SUMF1: variants seen among roughly 807,000 people sequenced by gnomAD.
SUMF1 encodes formylglycine-generating enzyme.
In SUMF1, 48 loss-of-function variants were observed where a neutral mutation model predicts 47.6. That is an observed-to-expected ratio of 1.01 (90% CI 0.80 to 1.28). The LOEUF is 1.28. Ranked by LOEUF, SUMF1 falls within the 50% of genes most tolerant of loss-of-function variation. The probability of loss-of-function intolerance (pLI) is 0.00; values close to 1 mark genes in which losing one functional copy is unlikely to be tolerated. For synonymous variants in SUMF1, 230 were observed against 192.1 expected (o/e 1.20, Z -1.63); for missense variants, 571 against 485.4 (o/e 1.18, Z -1.66).
At chr3:4,135,740 C>T (rs1574914742) in intron 8 of SUMF1, among the ~76,000 whole-genome samples, 1 of 152,164 alleles carries the variant, frequency 6.6e-6, no homozygotes, top group Non-Finnish European at 1.5e-5. Context: ...CATCTCAGCC[C>T]AAAATCTCCT....
At chr3:4,180,843 A>G (rs1695081072) in intron 8 of SUMF1, among the ~76,000 whole-genome samples, 1 of 151,976 alleles carries the variant, frequency 6.6e-6, no homozygotes, top group Non-Finnish European at 1.5e-5. Flanking sequence ...ACAGAGTGAA[A>G]CCCTGTCTCA....
intron 8 of SUMF1, among the ~76,000 whole-genome samples, chr3:4,140,597 A>T (rs1400042259): frequency 1.3e-5 from 2 of 151,994 alleles, no homozygotes; most frequent in Non-Finnish European, 2.9e-5. Context: ...TTTTCTATTC[A>T]TATACTCCCA....
rs572821216 is a variant in SUMF1, at chr3:4,309,634, C to T, written c.1014+66696G>A. On this transcript the variant is annotated intron_variant and NMD_transcript_variant, in intron 8 of 12. Transcript: ENST00000448413. ...TTCTTCCCACCACCTTCCCCCTTCA[C>T]ACCCCTGCTTCCCATTTCTGTGGTA... 6.5e-4 allele frequency among the ~76,000 whole-genome samples: 99 copies of T among 152,332 alleles called. 1 individual carries two copies. The South Asian group carries it at 0.021, about 32-fold the overall frequency.
intron 8 of SUMF1, among the ~76,000 whole-genome samples, chr3:4,295,546 C>T (rs1047623616): frequency 1.8e-4 from 28 of 152,074 alleles, no homozygotes; most frequent in Non-Finnish European, 3.5e-4. Context: ...GTGAAATGAA[C>T]GAACCGCGGG....
intron 8 of SUMF1, among the ~76,000 whole-genome samples, chr3:4,310,074 G>A (rs1329296382): frequency 6.6e-6 from 1 of 152,180 alleles, no homozygotes; most frequent in Non-Finnish European, 1.5e-5. Context: ...TAACGCAGTG[G>A]TGTTTGTGTA....
intron 8 of SUMF1, among the ~76,000 whole-genome samples, chr3:4,177,521 C>T (rs1300630392): frequency 1.3e-5 from 2 of 152,156 alleles, no homozygotes; most frequent in African/African-American, 4.8e-5. Flanking sequence ...ACCAGAATCT[C>T]TGGGACACAT....
chr3:4,138,588 T>C (rs989565658), intron 8 of SUMF1, among the ~76,000 whole-genome samples: 1 of 152,118 alleles, frequency 6.6e-6, no homozygotes, highest in Non-Finnish European at 1.5e-5. Flanking sequence ...GCTTCCCTAG[T>C]TGGCAATACC....
rs373008361 is a variant in SUMF1, at chr3:4,452,829, A to C, written c.444+47T>G. ...TAGCTGCTATTAAAGCATTCTTAAA[A>C]GTTCTGGAAAAGAACAAGTTCTCCC... is the stretch of plus-strand genomic sequence containing the variant. On this transcript the variant is annotated intron_variant, in intron 2 of 8. Transcript: ENST00000272902. 3.1e-6 allele frequency: 5 copies of C among 1,610,844 alleles called. No individual in the cohort carries two copies. The African/African-American group carries it at 6.7e-5, about 22-fold the overall frequency.
At chr3:4,200,885 G>A (rs1190605677) in intron 8 of SUMF1, among the ~76,000 whole-genome samples, 2 of 152,046 alleles carry the variant, frequency 1.3e-5, no homozygotes, top group African/African-American at 4.8e-5. Flanking sequence ...AGACTATCCT[G>A]TTCCACTGAT....
intron 8 of SUMF1, among the ~76,000 whole-genome samples, chr3:4,213,359 T>C (rs750654947): frequency 6.6e-6 from 1 of 152,122 alleles, no homozygotes; most frequent in Admixed American, 6.5e-5. Flanking sequence ...GACAAGCAAA[T>C]GCTTTAAGAT....
intron 8 of SUMF1, among the ~76,000 whole-genome samples, chr3:4,106,331 C>CT (rs1308495271): frequency 3.3e-5 from 5 of 152,130 alleles, no homozygotes; most frequent in Admixed American, 2.6e-4. Flanking sequence ...ATTTCTACTT[C>CT]TTTTTTCAGC....
At chr3:4,463,417 T>C (rs530070264) in intron 1 of SUMF1, among the ~76,000 whole-genome samples, 1 of 152,172 alleles carries the variant, frequency 6.6e-6, no homozygotes, top group African/African-American at 2.4e-5. Context: ...TTGAACCCAG[T>C]AGGCAGAGGT....
At chr3:4,357,184 G>A (rs1448345015), downstream of SUMF1, among the ~76,000 whole-genome samples, 2 of 152,096 alleles carry the variant, frequency 1.3e-5, no homozygotes, top group Non-Finnish European at 2.9e-5. Flanking sequence ...GGGAAGGAGG[G>A]AGACAGATAT....
At chr3:4,416,462 T>G (rs1194266157) in intron 6 of SUMF1, among the ~76,000 whole-genome samples, 2 of 152,222 alleles carry the variant, frequency 1.3e-5, no homozygotes, top group African/African-American at 4.8e-5. Context: ...TTTTAAATAC[T>G]GTATCCAGTC....
At chr3:4,258,309 A>G (rs1481399147) in intron 8 of SUMF1, among the ~76,000 whole-genome samples, 2 of 147,272 alleles carry the variant, frequency 1.4e-5, no homozygotes, top group Non-Finnish European at 3.0e-5. Context: ...AGAAACTACC[A>G]TCAGAGTGAA....
Position 4,132,934 on chromosome 3 carries a change from C to T in SUMF1, c.1015-64189G>A, listed in dbSNP as rs565198112. Among the ~76,000 whole-genome samples, 11 of 152,200 alleles carry T rather than the reference C, an allele frequency of 7.2e-5. No homozygotes were observed. In the South Asian group the frequency reaches 1.9e-3, roughly 26 times the overall value. On this transcript the variant is annotated intron_variant and NMD_transcript_variant, in intron 8 of 12. Transcript: ENST00000448413. ...CTACAGCACCCCACTCCAGGATGGA[C>T]GACAAATGGCCCACACCCTTCAGGA...
intron 8 of SUMF1, among the ~76,000 whole-genome samples, chr3:4,296,383 G>A (rs183854264): frequency 6.6e-6 from 1 of 151,908 alleles, no homozygotes; most frequent in African/African-American, 2.4e-5. Context: ...ATACAGAGCT[G>A]TATGAGTCTG....
intron 8 of SUMF1, among the ~76,000 whole-genome samples, chr3:4,104,385 CT>C: frequency 6.6e-6 from 1 of 152,178 alleles, no homozygotes; most frequent in African/African-American, 2.4e-5. Flanking sequence ...TCAGGTATAT[CT>C]TTACCAGCAG....
intron 1 of SUMF1, among the ~76,000 whole-genome samples, chr3:4,459,510 C>A (rs1453309757): frequency 6.6e-6 from 1 of 152,182 alleles, no homozygotes; most frequent in African/African-American, 2.4e-5. Flanking sequence ...CTTTCCATTT[C>A]TACTGGCTTT....
Sources: allele counts gnomAD v4.1 joint callset (sites outside exome capture counted in the v4.1 genomes callset), GRCh38; gene constraint gnomAD v4.1.1; transcripts MANE v1.5; gene names NCBI Gene and HGNC (gene_info 2026-07-23, HGNC 2026-07-21).